PXDNL: variants seen among roughly 807,000 people sequenced by gnomAD.
The protein encoded by PXDNL is probable oxidoreductase PXDNL.
PXDNL carries 145 observed loss-of-function variants against 150.8 expected under a neutral mutation model. The observed-to-expected ratio is 0.96, with a 90% CI of 0.84 to 1.10. PXDNL has a LOEUF of 1.10. Ranked by LOEUF, PXDNL falls within the 50% of genes least tolerant of loss-of-function variation. The probability of loss-of-function intolerance (pLI) is 0.00; values close to 1 mark genes in which losing one functional copy is unlikely to be tolerated. For synonymous variants in PXDNL, 757 were observed against 725.7 expected, an observed-to-expected ratio of 1.04 and a Z score of -0.69; for missense variants, 2,087 against 1,873.9, an observed-to-expected ratio of 1.11 and a Z score of -2.10.
intron 21 of PXDNL, among the ~76,000 whole-genome samples, chr8:51,338,558 C>T (rs554352117): frequency 1.3e-5 from 2 of 152,352 alleles, no homozygotes; most frequent in South Asian, 2.1e-4. Context: ...ACAGCCTGGG[C>T]TCAGCCCATC....
At chr8:51,505,818 C>G (rs1811273490) in intron 4 of PXDNL, among the ~76,000 whole-genome samples, 1 of 152,214 alleles carries the variant, frequency 6.6e-6, no homozygotes, top group African/African-American at 2.4e-5. Context: ...CATGTCCTGC[C>G]TCACATCCAC....
intron 2 of PXDNL, among the ~76,000 whole-genome samples, chr8:51,648,712 T>A (rs528440706): frequency 1.3e-5 from 2 of 152,344 alleles, no homozygotes; most frequent in South Asian, 4.1e-4. Context: ...AATCATTACA[T>A]TAATTATATG....
At position 51,400,712 on chromosome 8, in the gene PXDNL, T is replaced by C. The variant is rs914843651; in HGVS notation, c.3557+7355A>G. Among the ~76,000 whole-genome samples the C allele has an allele frequency of 2.5e-4, 38 of 152,210 alleles. 1 individual carries two copies. The highest frequency in any genetic ancestry group is 1.1e-3 in the Admixed American group (17 of 15,278). The stretch of plus-strand genomic sequence containing the variant: ...AATGAGTTTTGATTGGTTAAGTGTG[T>C]GCATTTTTAACTTTTTGAAATTGGG... On this transcript the variant is annotated intron_variant, in intron 17 of 22. Coordinates refer to ENST00000356297, the MANE Select transcript of PXDNL (RefSeq NM_144651.5).
chr8:51,539,841 T>G (rs76583674), intron 4 of PXDNL, among the ~76,000 whole-genome samples: 5,108 of 152,314 alleles, frequency 0.034, 284 homozygotes, highest in African/African-American at 0.12. Context: ...CTTCCTTTTT[T>G]ATGGTAGTTC....
chr8:51,547,316 A>G (rs1812382272), intron 4 of PXDNL, among the ~76,000 whole-genome samples: 1 of 152,144 alleles, frequency 6.6e-6, no homozygotes, highest in Non-Finnish European at 1.5e-5. Context: ...ACCAGCTGCA[A>G]CACCCTGGCT....
chr8:51,534,930 C>A (rs534338178), intron 4 of PXDNL, among the ~76,000 whole-genome samples: 1,507 of 101,418 alleles, frequency 0.015, 57 homozygotes, highest in Non-Finnish European at 0.02. Flanking sequence ...AGTGAGGACC[C>A]CTCTGCCCGG....
At chr8:51,796,436 TAAA>T (rs2037561490) in intron 1 of PXDNL, among the ~76,000 whole-genome samples, 1 of 147,430 alleles carries the variant, frequency 6.8e-6, no homozygotes, top group Non-Finnish European at 1.5e-5. Context: ...GCTAGACTAA[TAAA>T]GAAGAAAAGA....
chr8:51,727,759 A>G (rs187573063), intron 1 of PXDNL, among the ~76,000 whole-genome samples: 48 of 152,356 alleles, frequency 3.2e-4, no homozygotes, highest in Admixed American at 1.3e-3. Flanking sequence ...TAAATGAGGC[A>G]AACACCTATG....
At chr8:51,704,651 CAAACTT>C (rs1816323991) in intron 1 of PXDNL, among the ~76,000 whole-genome samples, 1 of 152,196 alleles carries the variant, frequency 6.6e-6, no homozygotes, top group African/African-American at 2.4e-5. Context: ...TTGGGGTACT[CAAACTT>C]TAATTTTAGC....
At chr8:51,343,777 C>T (rs937949873) in intron 20 of PXDNL, among the ~76,000 whole-genome samples, 1 of 152,090 alleles carries the variant, frequency 6.6e-6, no homozygotes, top group African/African-American at 2.4e-5. Flanking sequence ...GAGTCCGGTA[C>T]CCACTTCTGA....
chr8:51,321,023 A>G (rs571998735), intron 21 of PXDNL, 126 bp from the exon 22 acceptor site: 1 of 695,238 alleles, frequency 1.4e-6, no homozygotes, highest in South Asian at 1.8e-5. Context: ...AAGAAACTTC[A>G]AAGCCTACAT....
At chr8:51,376,691 G>A (rs115617157) in intron 17 of PXDNL, among the ~76,000 whole-genome samples, 46 of 151,032 alleles carry the variant, frequency 3.0e-4, no homozygotes, top group African/African-American at 1.1e-3. Flanking sequence ...AGAAGTGAGA[G>A]TTAACATGTT....
rs1808506467 is a variant in PXDNL, at chr8:51,408,494, T to C, written c.3130A>G (p.Ile1044Val). 6.2e-7 allele frequency: 1 copy of C among 1,613,672 alleles called. No homozygotes were observed. Among genetic ancestry groups the C allele is most frequent in the Non-Finnish European group, 8.5e-7 (1 of 1,179,718 alleles). The change falls in exon 17 of 23, where the codon ATC becomes GTC. Residue 1044 changes from isoleucine (I) to valine (V), a missense_variant. Ile to Val is a conservative substitution (Grantham distance 29). Transcript: ENST00000356297. ...RGYNPNVNAG[I>V]INSFATAAFR... The stretch of plus-strand genomic sequence containing the variant: ...GCTGCAGTAGCAAAAGAGTTAATGA[T>C]GCCTGCATTCACGTTGGGGTTGTAG...
intron 2 of PXDNL, among the ~76,000 whole-genome samples, chr8:51,635,486 C>T (rs747686027): frequency 6.6e-6 from 1 of 151,748 alleles, no homozygotes; most frequent in African/African-American, 2.4e-5. Context: ...TTTAGCTAGG[C>T]TAACCATGAA....
chr8:51,752,349 C>A (rs1289701616), intron 1 of PXDNL, among the ~76,000 whole-genome samples: 3 of 151,996 alleles, frequency 2.0e-5, no homozygotes, highest in Admixed American at 1.3e-4. Flanking sequence ...CTAAATGGGT[C>A]CTGTTAAGAA....
chr8:51,552,609 T>C (rs1289482005), intron 4 of PXDNL, among the ~76,000 whole-genome samples: 1 of 152,160 alleles, frequency 6.6e-6, no homozygotes. Context: ...TAGGTTCTCA[T>C]AAGTGCGAAC....
intron 1 of PXDNL, among the ~76,000 whole-genome samples, chr8:51,716,379 C>T (rs1816616655): frequency 6.6e-6 from 1 of 152,194 alleles, no homozygotes; most frequent in Admixed American, 6.5e-5. Context: ...GTGCACAACA[C>T]ATAAATTCCC....
At chr8:51,562,282 T>C (rs949651604) in intron 3 of PXDNL, among the ~76,000 whole-genome samples, 4 of 151,914 alleles carry the variant, frequency 2.6e-5, no homozygotes, top group Non-Finnish European at 4.4e-5. Flanking sequence ...TAAAATATTA[T>C]GTTACTTTTT....
intron 4 of PXDNL, among the ~76,000 whole-genome samples, chr8:51,536,639 T>TAA (rs374014977): frequency 1.3e-5 from 2 of 149,794 alleles, no homozygotes; most frequent in Admixed American, 1.3e-4. Context: ...TTTTTTTTTT[T>TAA]AAATGCATTT....
Sources: allele counts gnomAD v4.1 joint callset (sites outside exome capture counted in the v4.1 genomes callset), GRCh38; gene constraint gnomAD v4.1.1; transcripts MANE v1.5; gene names NCBI Gene and HGNC (gene_info 2026-07-23, HGNC 2026-07-21).